Variants in MACROD2 observed in about 807,000 individuals in gnomAD.
The protein encoded by MACROD2 is ADP-ribose glycohydrolase MACROD2.
A neutral mutation model predicts 70.4 loss-of-function variants in MACROD2; 36 were observed. That is an observed-to-expected ratio of 0.51 (90% confidence interval 0.39 to 0.68). The LOEUF (loss-of-function observed/expected upper bound fraction) is 0.68, where lower values mean the gene tolerates loss of function less well. Among genes scored for constraint, MACROD2 ranks in the 30% least tolerant of loss-of-function variants. The probability of loss-of-function intolerance (pLI) is 0.00; values close to 1 mark genes in which losing one functional copy is unlikely to be tolerated. For synonymous variants in MACROD2, 172 were observed against 178.8 expected (o/e 0.96, Z 0.30); for missense variants, 496 against 538.4 (o/e 0.92, Z 0.78).
At chr20:15,429,154 C>T (rs1000239624) in intron 6 of MACROD2, among the ~76,000 whole-genome samples, 59 of 152,078 alleles carry the variant, frequency 3.9e-4, no homozygotes, top group Non-Finnish European at 8.8e-5. Context: ...GATTTTCATA[C>T]GGAGAGTAAC....
intron 13 of MACROD2, among the ~76,000 whole-genome samples, chr20:15,975,801 G>A (rs1259790551): frequency 6.6e-6 from 1 of 152,094 alleles, no homozygotes; most frequent in Non-Finnish European, 1.5e-5. Flanking sequence ...CATTTCTTTT[G>A]TAACTACAAG....
intron 3 of MACROD2, among the ~76,000 whole-genome samples, chr20:14,362,728 T>G (rs1031253591): frequency 5.3e-5 from 8 of 152,054 alleles, no homozygotes; most frequent in African/African-American, 1.9e-4. Flanking sequence ...AGATTGAAGC[T>G]TATTAAAGCA....
intron 8 of MACROD2, among the ~76,000 whole-genome samples, chr20:15,782,789 T>C (rs1568558577): frequency 1.3e-5 from 2 of 151,576 alleles, no homozygotes; most frequent in Non-Finnish European, 2.9e-5. Context: ...TTAAATTGTC[T>C]AATGCCAATT....
intron 8 of MACROD2, among the ~76,000 whole-genome samples, chr20:15,758,540 T>A (rs982588267): frequency 4.6e-5 from 2 of 43,162 alleles, no homozygotes; most frequent in Non-Finnish European, 8.8e-5. Flanking sequence ...GCACCCAGTC[T>A]TTTTTTTTTT....
intron 2 of MACROD2, chr20:14,051,895 ACTT>A: frequency 1.9e-6 from 1 of 516,854 alleles, no homozygotes. Context: ...TCTACTATAA[ACTT>A]CTGAACCCTC....
At chr20:15,269,629 G>A (rs1229158843) in intron 6 of MACROD2, among the ~76,000 whole-genome samples, 2 of 152,024 alleles carry the variant, frequency 1.3e-5, no homozygotes, top group African/African-American at 2.4e-5. Context: ...ATATGCTTAG[G>A]GGCCACCTTC....
chr20:14,101,031 A>C (rs1482930857), intron 3 of MACROD2, among the ~76,000 whole-genome samples: 2 of 150,434 alleles, frequency 1.3e-5, no homozygotes, highest in Non-Finnish European at 3.0e-5. Flanking sequence ...CAATTTTTTT[A>C]TTATTTATTT....
chr20:14,400,377 G>A (rs143188703), intron 3 of MACROD2, among the ~76,000 whole-genome samples: 1 of 152,238 alleles, frequency 6.6e-6, no homozygotes, highest in Non-Finnish European at 1.5e-5. Context: ...TGGCTAATTG[G>A]AACATAAACT....
intron 13 of MACROD2, among the ~76,000 whole-genome samples, chr20:15,983,790 A>C (rs1461970865): frequency 6.6e-6 from 1 of 152,210 alleles, no homozygotes; most frequent in Non-Finnish European, 1.5e-5. Context: ...TAATGTGCAG[A>C]TGGAATATTT....
intron 3 of MACROD2, among the ~76,000 whole-genome samples, chr20:14,302,496 T>G (rs1006050396): frequency 6.6e-6 from 1 of 152,154 alleles, no homozygotes; most frequent in South Asian, 2.1e-4. Context: ...AGTTTGGTAC[T>G]TCCTTGAGAT....
intron 6 of MACROD2, among the ~76,000 whole-genome samples, chr20:15,398,903 A>C (rs2045894485): frequency 6.6e-6 from 1 of 152,092 alleles, no homozygotes; most frequent in African/African-American, 2.4e-5. Flanking sequence ...TGAAGCCTCA[A>C]ATTCCTGGGC....
chr20:15,084,077 T>TTTTTTGTTTGTTTTG (rs1555780899), intron 5 of MACROD2, among the ~76,000 whole-genome samples: 25 of 145,790 alleles, frequency 1.7e-4, no homozygotes, highest in African/African-American at 2.3e-4. Flanking sequence ...TTTTTGTTTT[T>TTTTTTGTTTGTTTTG]TTTTTTTAAT....
At chr20:15,707,648 TG>T (rs912186456) in intron 8 of MACROD2, among the ~76,000 whole-genome samples, 2 of 151,986 alleles carry the variant, frequency 1.3e-5, no homozygotes, top group Non-Finnish European at 2.9e-5. Flanking sequence ...CTGAGCGTGG[TG>T]GCGGGTGCCT....
In MACROD2 at chr20:14,339,148, T is replaced by A. The variant is rs184151723; in HGVS notation, c.272-154331T>A. Among the ~76,000 whole-genome samples, 939 of 152,316 alleles carry A rather than the reference T, an allele frequency of 6.2e-3. 20 individuals carry two copies. Among genetic ancestry groups the A allele is most frequent in the Admixed American group, 0.041 (623 of 15,294 alleles). On this transcript the variant is annotated intron_variant, in intron 3 of 17. Coordinates refer to ENST00000684519, the MANE Select transcript of MACROD2 (RefSeq NM_001351661.2). Reference sequence around the variant, plus strand: ...ATTTATATATTTGTTTGATAACAGTTTGACCTGAGTTCCCTTCCAAGAATG... The same window carrying A: ...ATTTATATATTTGTTTGATAACAGTATGACCTGAGTTCCCTTCCAAGAATG...
At chr20:14,147,074 G>T (rs1229761917) in intron 3 of MACROD2, among the ~76,000 whole-genome samples, 4 of 152,126 alleles carry the variant, frequency 2.6e-5, no homozygotes, top group Non-Finnish European at 5.9e-5. Context: ...ACAGTGGGAT[G>T]GAAGAAGGAC....
rs2081578420 is a variant in MACROD2, at chr20:14,212,408, G to T, written c.271+126680G>T. Among the ~76,000 whole-genome samples the T allele has an allele frequency of 2.0e-5, 3 of 152,086 alleles. No homozygotes were observed. In the South Asian group the frequency reaches 6.2e-4, roughly 31 times the overall value. On this transcript the variant is annotated intron_variant, in intron 3 of 17. Coordinates refer to ENST00000684519, the MANE Select transcript of MACROD2 (RefSeq NM_001351661.2). ...GCAAGATTAGACCTTAATTCCACTT[G>T]ATCACTTGTTCATCAACAAATGGTC... is the stretch of plus-strand genomic sequence containing the variant.
At chr20:15,395,641 G>A (rs1485532132) in intron 6 of MACROD2, among the ~76,000 whole-genome samples, 2 of 152,194 alleles carry the variant, frequency 1.3e-5, no homozygotes, top group African/African-American at 2.4e-5. Context: ...CAAAAAGCAG[G>A]AAGTGAGCTG....
intron 8 of MACROD2, among the ~76,000 whole-genome samples, chr20:15,541,483 C>T (rs1187147824): frequency 6.6e-6 from 1 of 152,088 alleles, no homozygotes; most frequent in Non-Finnish European, 1.5e-5. Flanking sequence ...GCAGGCCAAA[C>T]GTGGTTAATA....
At chr20:15,435,264 G>A (rs2046413390) in intron 7 of MACROD2, among the ~76,000 whole-genome samples, 1 of 152,022 alleles carries the variant, frequency 6.6e-6, no homozygotes, top group Non-Finnish European at 1.5e-5. Context: ...CAATACAGTA[G>A]ACATAACTTA....
Sources: gnomAD v4.1 joint callset for allele counts (sites outside exome capture counted in the v4.1 genomes callset) on GRCh38, gnomAD v4.1.1 for gene constraint, MANE v1.5 for transcripts, NCBI Gene and HGNC (gene_info 2026-07-23, HGNC 2026-07-21) for gene names.